The following COL15A1 variants were observed in gnomAD, a reference collection of about 807,000 sequenced individuals.
The protein encoded by COL15A1 is collagen alpha-1(XV) chain.
A neutral mutation model predicts 165.9 loss-of-function variants in COL15A1; 111 were observed. That is an observed-to-expected ratio of 0.67 (90% CI 0.57 to 0.78). The LOEUF is 0.78. COL15A1 is among the 30% of genes least tolerant of loss of function. The pLI is 0.00. For synonymous variants in COL15A1, 659 were observed against 674.8 expected, an observed-to-expected ratio of 0.98 and a Z score of 0.36; for missense variants, 1,745 against 1,789.7, an observed-to-expected ratio of 0.98 and a Z score of 0.45.
intron 26 of COL15A1, among the ~76,000 whole-genome samples, chr9:99,047,020 T>A (rs1588532296): frequency 6.6e-6 from 1 of 152,162 alleles, no homozygotes; most frequent in East Asian, 1.9e-4. Flanking sequence ...CTTAAATCAG[T>A]CATTCTTCTG....
chr9:99,016,285 G>A (rs536270987), intron 11 of COL15A1, among the ~76,000 whole-genome samples, 166 bp downstream of exon 11: 1 of 152,302 alleles, frequency 6.6e-6, no homozygotes, highest in South Asian at 2.1e-4. Context: ...GAAAGCTTGA[G>A]GAAACTCCAG....
intron 2 of COL15A1, among the ~76,000 whole-genome samples, chr9:98,951,889 A>T (rs577239822): frequency 3.8e-4 from 58 of 152,232 alleles, no homozygotes; most frequent in African/African-American, 1.3e-3. Flanking sequence ...CCTTTCCCCC[A>T]TAGTACCTGG....
chr9:98,997,207 T>C lies in COL15A1; in HGVS notation c.952+126T>C, dbSNP rs1838564016. ...TTCCCCTCAACCCTTTAAGAAAGGGTGAGAACCACCCTCATTTTACAGACA... is the reference window on the plus strand; with the variant it reads ...TTCCCCTCAACCCTTTAAGAAAGGGCGAGAACCACCCTCATTTTACAGACA... On this transcript the variant is annotated intron_variant, in intron 6 of 41. Transcript: ENST00000375001. 8.4e-6 allele frequency: 10 copies of C among 1,190,548 alleles called. No homozygotes were observed. In the East Asian group the frequency reaches 2.4e-4, roughly 29 times the overall value. 73.7% of individuals were successfully genotyped at this position (1,190,548 alleles called of 1,614,324 possible).
At chr9:98,952,637 TTGGCCTCCCAAAG>T (rs1193709963) in intron 2 of COL15A1, among the ~76,000 whole-genome samples, 3 of 152,092 alleles carry the variant, frequency 2.0e-5, no homozygotes, top group Non-Finnish European at 4.4e-5. Context: ...TCCTCCCAAC[TTGGCCTCCCAAAG>T]TGCTGGGATT....
At chr9:99,042,181 G>T in intron 24 of COL15A1, 74 bp downstream of exon 24, 2 of 1,031,226 alleles carry the variant, frequency 1.9e-6, no homozygotes, top group Non-Finnish European at 3.0e-6. Context: ...GCTGAAAATA[G>T]CTATTAACTT....
At chr9:98,989,132 C>A (rs371955536) in intron 4 of COL15A1, 46 bp from the exon 5 acceptor site, 45 of 1,486,922 alleles carry the variant, frequency 3.0e-5, no homozygotes, top group Non-Finnish European at 4.0e-5. Context: ...CTCTTATGGG[C>A]CCTGCCCGCT....
chr9:99,038,350 C>CATGTGGTT (rs1202754012), intron 21 of COL15A1, among the ~76,000 whole-genome samples: 1 of 152,108 alleles, frequency 6.6e-6, no homozygotes. Context: ...GTAAAATAAC[C>CATGTGGTT]ACATGGACAA....
rs369606938 is a variant in COL15A1 at position 99,011,920 on chromosome 9, G to C, written c.1354-3497G>C. 4.6e-5 allele frequency among the ~76,000 whole-genome samples: 7 copies of C among 152,206 alleles called. No homozygotes were observed. In the South Asian group the frequency reaches 1.5e-3, roughly 32 times the overall value. ...GTAGAACCTTAAGATTAAATATATG[G>C]TTATTTTACTAAATCAAGATTTAGC... On this transcript the variant is annotated intron_variant, in intron 9 of 41. Transcript: ENST00000375001.
At chr9:99,000,986 T>C (rs568274788) in intron 7 of COL15A1, 35 bp downstream of exon 7, 1 of 943,464 alleles carries the variant, frequency 1.1e-6, no homozygotes, top group African/African-American at 1.6e-5. Context: ...GATTAGTCAG[T>C]AGTAGGCTTG....
At chr9:99,017,075 GC>G (rs1178392770) in intron 11 of COL15A1, among the ~76,000 whole-genome samples, 2 of 152,206 alleles carry the variant, frequency 1.3e-5, no homozygotes, top group Non-Finnish European at 2.9e-5. Flanking sequence ...GCGGCTCTGG[GC>G]CCTCAGTCAG....
intron 22 of COL15A1, 151 bp downstream of exon 22, chr9:99,038,884 A>G (rs1839352039): frequency 3.4e-6 from 2 of 584,250 alleles, no homozygotes; most frequent in Non-Finnish European, 6.2e-6. Flanking sequence ...ATTTTTTGAA[A>G]AGTTGCTTTC....
In COL15A1 at chr9:99,024,104, C is replaced by T. The variant is rs182109151; in HGVS notation, c.1854+655C>T. Among the ~76,000 whole-genome samples, 1,164 of 152,230 alleles carry T rather than the reference C, an allele frequency of 7.6e-3. 6 individuals are homozygous for T. The highest frequency in any genetic ancestry group is 0.018 in the South Asian group (87 of 4,818). On this transcript the variant is annotated intron_variant, in intron 14 of 41. Coordinates refer to ENST00000375001, the MANE Select transcript of COL15A1 (RefSeq NM_001855.5). ...AAAGCTCCACTTGGCTGCCCCTCTGCCCACTCCTCATGGCCAGGGCTAGAA... is the reference window on the plus strand; with the variant it reads ...AAAGCTCCACTTGGCTGCCCCTCTGTCCACTCCTCATGGCCAGGGCTAGAA...
chr9:98,956,195 A>T (rs968817815), intron 2 of COL15A1, among the ~76,000 whole-genome samples: 10 of 152,202 alleles, frequency 6.6e-5, no homozygotes, highest in African/African-American at 2.4e-4. Context: ...GGTCCCAGCT[A>T]CTTGGGAGGC....
At chr9:99,052,309 C>A in intron 30 of COL15A1, 79 bp from the exon 31 acceptor site, 1 of 1,060,014 alleles carries the variant, frequency 9.4e-7, no homozygotes, top group Non-Finnish European at 1.5e-6. Flanking sequence ...GTCACATGCC[C>A]CCGGGACAGT....
intron 39 of COL15A1, among the ~76,000 whole-genome samples, chr9:99,063,564 C>CA (rs1825850920): frequency 6.6e-6 from 1 of 152,108 alleles, no homozygotes; most frequent in South Asian, 2.1e-4. Context: ...CAAGCCAAGC[C>CA]AAAAAGTTTG....
intron 2 of COL15A1, 23 bp from the exon 3 acceptor site, chr9:98,985,542 G>A: frequency 6.3e-7 from 1 of 1,595,848 alleles, no homozygotes; most frequent in African/African-American, 1.3e-5. Flanking sequence ...TGTAAAGCGT[G>A]GCCTCTCTCT....
chr9:99,041,798 T>C (rs1839410179), intron 23 of COL15A1, among the ~76,000 whole-genome samples: 2 of 152,146 alleles, frequency 1.3e-5, no homozygotes, highest in African/African-American at 4.8e-5. Flanking sequence ...AGTGCCCAGT[T>C]GGAGGAAACC....
chr9:99,032,557 G>C (rs764377951), intron 16 of COL15A1, among the ~76,000 whole-genome samples: 1 of 152,020 alleles, frequency 6.6e-6, no homozygotes, highest in Admixed American at 6.5e-5. Flanking sequence ...TTTTTTGGGG[G>C]GAGGGGTGCC....
chr9:98,957,333 C>T (rs1341340214), intron 2 of COL15A1, among the ~76,000 whole-genome samples: 1 of 152,262 alleles, frequency 6.6e-6, no homozygotes. Context: ...TCCCTTAAAG[C>T]TTCCAGAAAG....
Sources: allele counts gnomAD v4.1 joint callset (sites outside exome capture counted in the v4.1 genomes callset), GRCh38; gene constraint gnomAD v4.1.1; transcripts MANE v1.5; gene names NCBI Gene and HGNC (gene_info 2026-07-23, HGNC 2026-07-21).